The following MAP2K3 variants were observed in gnomAD, a reference collection of about 807,000 sequenced individuals.
MAP2K3 encodes the protein mitogen-activated protein kinase kinase 3, also known as dual specificity mitogen-activated protein kinase kinase 3.
MAP2K3 carries 30 observed loss-of-function variants against 46.4 expected under a neutral mutation model. The ratio of observed to expected loss-of-function variants is 0.65; its 90% CI spans 0.48 to 0.88. MAP2K3 has a LOEUF of 0.88. Among genes scored for constraint, MAP2K3 ranks in the 40% least tolerant of loss-of-function variants. The pLI is 0.00. For missense variants in MAP2K3, 380 were observed against 464.5 expected, an observed-to-expected ratio of 0.82 and a Z score of 1.67; for synonymous variants, 189 against 176.3, an observed-to-expected ratio of 1.07 and a Z score of -0.57.
intron 9 of MAP2K3, chr17:21,311,814 AT>A: frequency 4.8e-6 from 1 of 209,872 alleles, no homozygotes. Context: ...AGCTCCTCAG[AT>A]TTTTCCAGAG....
chr17:21,288,183 G>A, intron 1 of MAP2K3: 2 of 1,015,006 alleles, frequency 2.0e-6, no homozygotes, highest in Non-Finnish European at 1.3e-6. Context: ...CAGCCTGGTG[G>A]GTGGGGAGGG....
intron 1 of MAP2K3, among the ~76,000 whole-genome samples, chr17:21,294,808 G>A: frequency 6.6e-6 from 1 of 152,310 alleles, no homozygotes; most frequent in East Asian, 1.9e-4. Flanking sequence ...GATAACCCGG[G>A]GAGGTTTGTC....
At chr17:21,299,069 C>A in intron 3 of MAP2K3, 143 bp downstream of exon 3, 3 of 1,260,240 alleles carry the variant, frequency 2.4e-6, no homozygotes, top group Non-Finnish European at 3.4e-6. Flanking sequence ...TCCTGCGCTG[C>A]TGGCTGTGTG....
At chr17:21,295,912 G>A (rs1018871819) in intron 1 of MAP2K3, 1 of 1,263,814 alleles carries the variant, frequency 7.9e-7, no homozygotes, top group Non-Finnish European at 1.0e-6. Context: ...ACCCCACAGG[G>A]AAAGGGTGGG....
At position 21,309,707 on chromosome 17, in the gene MAP2K3, A is replaced by G. The variant is rs1977073340; in HGVS notation, c.775-2435A>G. On this transcript the variant is annotated intron_variant, in intron 9 of 11. Coordinates refer to ENST00000342679, the MANE Select transcript of MAP2K3 (RefSeq NM_145109.3). ...CGGCTTACTGCAACCTCCGCCTCCC[A>G]GGTTCAAGTGATTCTCCTGCCTCAG... Among the ~76,000 whole-genome samples, 4 of 152,178 alleles carry G rather than the reference A, an allele frequency of 2.6e-5. No homozygotes were observed. The South Asian group carries it at 8.3e-4, about 32-fold the overall frequency.
intron 1 of MAP2K3, chr17:21,291,694 T>C (rs1435245146): frequency 2.4e-6 from 1 of 413,140 alleles, no homozygotes; most frequent in East Asian, 7.1e-5. Flanking sequence ...TGACCCCTTT[T>C]GTGCTGGGGA....
At chr17:21,307,066 A>C (rs1199825967) in intron 9 of MAP2K3, among the ~76,000 whole-genome samples, 1 of 152,308 alleles carries the variant, frequency 6.6e-6, no homozygotes, top group East Asian at 1.9e-4. Flanking sequence ...GATTATAGGC[A>C]CAAGCTACTG....
intron 6 of MAP2K3, 149 bp downstream of exon 6, chr17:21,302,408 A>G (rs1976658504): frequency 9.7e-6 from 8 of 825,792 alleles, no homozygotes; most frequent in Non-Finnish European, 7.9e-6. Flanking sequence ...TGCCCTGCAT[A>G]GGCCCTTCTC....
rs750306908 is a variant in MAP2K3, at chr17:21,302,262, G to A, written c.516+3G>A. On this transcript the variant is annotated splice_donor_region_variant and intron_variant, in intron 6 of 11. Transcript: ENST00000342679. ...TCCTTGGGGAGATTGCTGTGTCTGT[G>A]AGTGGCCTGGGTGGGCTGGCGGGGG... The A allele has an allele frequency of 1.2e-6, 2 of 1,603,252 alleles. No individual in the cohort carries two copies. The highest frequency in any genetic ancestry group is 1.7e-6 in the Non-Finnish European group (2 of 1,171,792).
rs1161141586 is a variant in MAP2K3, at chr17:21,304,408, C to T, written c.569-18C>T. 1 of 1,614,286 alleles carries T rather than the reference C, an allele frequency of 6.2e-7. No individual in the cohort carries two copies. The highest frequency in any genetic ancestry group is 8.5e-7 in the Non-Finnish European group (1 of 1,180,046). On this transcript the variant is annotated intron_variant, in intron 7 of 11. Coordinates refer to ENST00000342679, the MANE Select transcript of MAP2K3 (RefSeq NM_145109.3). ...TCGTGCTCCACAGACGTGGCTGAGG[C>T]ATGTCCCTCCCTGGCAGATGTGAAG...
chr17:21,304,094 C>G (rs1275989671), intron 7 of MAP2K3, among the ~76,000 whole-genome samples: 3 of 152,306 alleles, frequency 2.0e-5, no homozygotes, highest in Non-Finnish European at 4.4e-5. Flanking sequence ...AAGCCAGGCT[C>G]TCACTGGACC....
At chr17:21,288,243 G>A (rs1312950676) in intron 1 of MAP2K3, among the ~76,000 whole-genome samples, 5 of 152,256 alleles carry the variant, frequency 3.3e-5, no homozygotes, top group Non-Finnish European at 7.3e-5. Context: ...GGCACTGGAG[G>A]TGGCCCCTTC....
At position 21,286,356 on chromosome 17, in the gene MAP2K3, T is replaced by G. The variant is rs371830305; in HGVS notation, c.49+1387T>G. On this transcript the variant is annotated intron_variant, in intron 1 of 11. Coordinates refer to ENST00000342679, the MANE Select transcript of MAP2K3 (RefSeq NM_145109.3). The stretch of plus-strand genomic sequence containing the variant: ...CACTTCATCAGGGGTCAGCCGCTCT[T>G]CTGTTCTGGAGGGTGCAGGCCAATG... Among the ~76,000 whole-genome samples, 162 of 152,352 alleles carry G rather than the reference T, an allele frequency of 1.1e-3. 1 individual carries two copies. The highest frequency in any genetic ancestry group is 3.8e-3 in the African/African-American group (156 of 41,580).
At chr17:21,286,345 T>C (rs1975722453) in intron 1 of MAP2K3, among the ~76,000 whole-genome samples, 1 of 152,194 alleles carries the variant, frequency 6.6e-6, no homozygotes, top group Admixed American at 6.5e-5. Context: ...TCATCAGGGG[T>C]CAGCCGCTCT....
At chr17:21,292,709 A>G (rs1165517407) in intron 1 of MAP2K3, among the ~76,000 whole-genome samples, 1 of 152,306 alleles carries the variant, frequency 6.6e-6, no homozygotes, top group Non-Finnish European at 1.5e-5. Context: ...CTGGTCTCAA[A>G]CTCCTGACCT....
At position 21,302,084 on chromosome 17, in the gene MAP2K3, C is replaced by G. The variant is rs75974715; in HGVS notation, c.400-59C>G. The G allele has an allele frequency of 5.8e-6, 9 of 1,539,024 alleles. No individual in the cohort carries two copies. The Admixed American group carries it at 1.5e-4, about 26-fold the overall frequency. On this transcript the variant is annotated intron_variant, in intron 5 of 11. Transcript: ENST00000342679. ...GGGGCTGGTGCTGGGGCAGGCAGTG[C>G]AGGTGGTGCAGACACGGGCAGCCCG...
chr17:21,313,923 A>G, intron 11 of MAP2K3: 1 of 589,862 alleles, frequency 1.7e-6, no homozygotes, highest in Non-Finnish European at 3.0e-6. Flanking sequence ...TGTGGGGGGA[A>G]AGGGAGGTTA....
intron 9 of MAP2K3, among the ~76,000 whole-genome samples, chr17:21,305,750 C>G (rs1244401552): frequency 4.8e-4 from 73 of 152,286 alleles, no homozygotes; most frequent in Non-Finnish European, 1.8e-4. Context: ...CCCCTGTGGA[C>G]AGTGGATTGG....
intron 1 of MAP2K3, chr17:21,291,593 G>T (rs1181630301): frequency 2.2e-6 from 1 of 456,498 alleles, no homozygotes; most frequent in Non-Finnish European, 4.4e-6. Flanking sequence ...AGCATCACTT[G>T]TGGGTCCCCC....
Sources: allele counts gnomAD v4.1 joint callset (sites outside exome capture counted in the v4.1 genomes callset), GRCh38; gene constraint gnomAD v4.1.1; transcripts MANE v1.5; gene names NCBI Gene and HGNC (gene_info 2026-07-23, HGNC 2026-07-21).